ZBTB40: variants seen among roughly 807,000 people sequenced by gnomAD.
The protein encoded by ZBTB40 is zinc finger and BTB domain containing 40, also known as zinc finger and BTB domain-containing protein 40.
ZBTB40 carries 60 observed loss-of-function variants against 117.5 expected under a neutral mutation model. The ratio of observed to expected loss-of-function variants is 0.51; its 90% CI spans 0.41 to 0.63. The LOEUF (loss-of-function observed/expected upper bound fraction) is 0.63. Among genes scored for constraint, ZBTB40 ranks in the 30% least tolerant of loss-of-function variants. The probability of loss-of-function intolerance (pLI) is 0.00; values close to 1 mark genes in which losing one functional copy is unlikely to be tolerated. For missense variants in ZBTB40, 1,287 were observed against 1,498.5 expected (o/e 0.86, Z 2.33); for synonymous variants, 525 against 577.1 (o/e 0.91, Z 1.29).
chr1:22,508,061 C>T lies in ZBTB40; in HGVS notation c.1421C>T (p.Ser474Phe). 1 of 1,614,114 alleles carries T rather than the reference C, an allele frequency of 6.2e-7. No homozygotes were observed. The highest frequency in any genetic ancestry group is 8.5e-7 in the Non-Finnish European group (1 of 1,180,002). The change falls in exon 7 of 18, where the codon TCT becomes TTT. Residue 474 changes from serine to phenylalanine, a missense_variant. By Grantham distance (155) the Ser-to-Phe change is radical (BLOSUM62 -2). This residue lies in a region of ZBTB40 where 870 missense variants were observed against 934.4 expected (regional missense o/e 0.93). Transcript: ENST00000375647. The stretch of plus-strand genomic sequence containing the variant: ...TTGAGACGCTATCATGAAAACCTCT[C>T]TGAGATTTTCACAGACAACCAGATT... ...ELLRRYHENL[S>F]EIFTDNQILL...
chr1:22,503,848 C>T (rs111563372), intron 5 of ZBTB40, among the ~76,000 whole-genome samples: 5 of 152,138 alleles, frequency 3.3e-5, no homozygotes, highest in African/African-American at 7.2e-5. Context: ...TGATTTCATT[C>T]GATTACTCAT....
intron 3 of ZBTB40, among the ~76,000 whole-genome samples, chr1:22,497,892 A>G (rs573172082): frequency 6.6e-6 from 1 of 152,288 alleles, no homozygotes; most frequent in East Asian, 1.9e-4. Context: ...GGTGTCCAGG[A>G]TGATGTGGAG....
chr1:22,499,905 C>G (rs899681708), intron 3 of ZBTB40, among the ~76,000 whole-genome samples: 2 of 152,162 alleles, frequency 1.3e-5, no homozygotes, highest in African/African-American at 4.8e-5. Context: ...TGTGTTGATA[C>G]AGTATTCATG....
chr1:22,478,247 T>C (rs1158404417), intron 1 of ZBTB40, among the ~76,000 whole-genome samples: 3 of 149,746 alleles, frequency 2.0e-5, no homozygotes, highest in Non-Finnish European at 4.5e-5. Context: ...TATAATTTTC[T>C]TTTTTTTTTC....
At chr1:22,486,143 G>A (rs901759792) in intron 1 of ZBTB40, among the ~76,000 whole-genome samples, 5 of 152,154 alleles carry the variant, frequency 3.3e-5, no homozygotes, top group Admixed American at 6.5e-5. Flanking sequence ...TTGAAAGGTG[G>A]ACATGATGTA....
chr1:22,482,089 G>C (rs1466828292), intron 1 of ZBTB40, among the ~76,000 whole-genome samples: 1 of 151,974 alleles, frequency 6.6e-6, no homozygotes, highest in Non-Finnish European at 1.5e-5. Context: ...TCCTAGGACT[G>C]TTCTTCATTT....
At chr1:22,488,468 G>A (rs1400898654) in intron 1 of ZBTB40, among the ~76,000 whole-genome samples, 1 of 152,134 alleles carries the variant, frequency 6.6e-6, no homozygotes, top group African/African-American at 2.4e-5. Context: ...CTGAGCAAAG[G>A]GCTGGTAGAA....
At chr1:22,448,407 G>A (rs1466858197), upstream of ZBTB40, among the ~76,000 whole-genome samples, 4 of 152,056 alleles carry the variant, frequency 2.6e-5, no homozygotes, top group Non-Finnish European at 4.4e-5. Flanking sequence ...ATAATGATAC[G>A]TTGCTGCTAA....
At chr1:22,452,516 G>C (rs1487996798) in intron 1 of ZBTB40, 1 of 152,202 alleles carries the variant, frequency 6.6e-6, no homozygotes, top group Non-Finnish European at 1.5e-5. Flanking sequence ...AGTTTTATTG[G>C]AACACGGCCC....
intron 1 of ZBTB40, among the ~76,000 whole-genome samples, chr1:22,445,356 CAG>C (rs1640775052): frequency 6.6e-6 from 1 of 152,132 alleles, no homozygotes; most frequent in African/African-American, 2.4e-5. Flanking sequence ...CCATCTAAAT[CAG>C]GGGAAAAACT....
At chr1:22,441,162 A>G (rs1640727195) in intron 1 of ZBTB40, among the ~76,000 whole-genome samples, 1 of 152,124 alleles carries the variant, frequency 6.6e-6, no homozygotes, top group South Asian at 2.1e-4. Flanking sequence ...CTTACTGATT[A>G]TAGGTGTGTT....
At chr1:22,483,423 G>A in intron 1 of ZBTB40, among the ~76,000 whole-genome samples, 1 of 152,202 alleles carries the variant, frequency 6.6e-6, no homozygotes, top group East Asian at 1.9e-4. Flanking sequence ...TTGAATGAAA[G>A]TTCCTGTTTC....
intron 1 of ZBTB40, among the ~76,000 whole-genome samples, chr1:22,474,966 C>G (rs963970): frequency 0.72 from 107,888 of 149,434 alleles, 40,252 homozygotes; most frequent in East Asian, 0.9. Context: ...AACAGGTAAG[C>G]TTGCATTAAG....
chr1:22,461,841 A>C (rs1010699738), intron 1 of ZBTB40, among the ~76,000 whole-genome samples: 1 of 152,216 alleles, frequency 6.6e-6, no homozygotes, highest in Non-Finnish European at 1.5e-5. Flanking sequence ...TGTAGTGCCA[A>C]GCCTCAGTTA....
At chr1:22,497,252 G>A (rs1283063061) in intron 3 of ZBTB40, among the ~76,000 whole-genome samples, 1 of 152,204 alleles carries the variant, frequency 6.6e-6, no homozygotes, top group Non-Finnish European at 1.5e-5. Flanking sequence ...GACTCCCAAA[G>A]CTGAAGACCT....
In ZBTB40 at chr1:22,513,270, A is replaced by G; in HGVS notation, c.2668+140A>G. 1 of 913,774 alleles carries G rather than the reference A, an allele frequency of 1.1e-6. No homozygotes were observed. Among genetic ancestry groups the G allele is most frequent in the Non-Finnish European group, 1.7e-6 (1 of 584,828 alleles). 56.6% of individuals were successfully genotyped at this position (913,774 alleles called of 1,614,324 possible). A position where few individuals can be genotyped will look rare whatever the true frequency, so the allele number is the denominator to read the frequency against. On this transcript the variant is annotated intron_variant, in intron 12 of 17. Transcript: ENST00000375647. This position sits in a 1 kb window ranked among gnomAD's most constrained non-coding sequence, Gnocchi z 4.9. Reference sequence around the variant, plus strand: ...GGGTGACTAAAGTCAATAATAACTTAATTGTACATTTTAAATACAGTGTAA... The same window carrying G: ...GGGTGACTAAAGTCAATAATAACTTGATTGTACATTTTAAATACAGTGTAA...
intron 1 of ZBTB40, among the ~76,000 whole-genome samples, chr1:22,488,733 C>T (rs1413186877): frequency 1.3e-5 from 2 of 152,158 alleles, no homozygotes; most frequent in Non-Finnish European, 2.9e-5. Flanking sequence ...GCTTTTTGTG[C>T]AAAGCAGCAG....
Position 22,508,092 on chromosome 1 carries a change from A to G in ZBTB40, c.1452A>G (p.Leu484=), listed in dbSNP as rs375944120. The G allele has an allele frequency of 1.4e-5, 23 of 1,614,064 alleles. No individual in the cohort carries two copies. The African/African-American group carries it at 2.5e-4, about 18-fold the overall frequency. The change falls in exon 7 of 18, where the codon TTA becomes TTG. Residue 484 remains leucine (L), a synonymous_variant. Coordinates refer to ENST00000375647, the MANE Select transcript of ZBTB40 (RefSeq NM_014870.4). ...SEIFTDNQIL[L]KMISHMTSLA... ...TTTTCACAGACAACCAGATTTTATT[A>G]AAGATGATCTCACACATGACAAGTT...
At chr1:22,433,442 A>AAAAAAAAAAAAAAAAAAAAG (rs1640625836) in intron 1 of ZBTB40, among the ~76,000 whole-genome samples, 1 of 139,822 alleles carries the variant, frequency 7.2e-6, no homozygotes. Flanking sequence ...CAAAAAAAAA[A>AAAAAAAAAAAAAAAAAAAAG]AAAAAAAAAA....
Sources: allele counts gnomAD v4.1 joint callset (sites outside exome capture counted in the v4.1 genomes callset), GRCh38; gene constraint gnomAD v4.1.1; regional missense constraint gnomAD v4.1.1; non-coding constraint Gnocchi (gnomAD v3.1); transcripts MANE v1.5; gene names NCBI Gene and HGNC (gene_info 2026-07-23, HGNC 2026-07-21).